ZNF789: variants seen among roughly 807,000 people sequenced by gnomAD.
The protein encoded by ZNF789 is zinc finger protein 789.
ZNF789 carries 11 observed loss-of-function variants against 15.6 expected under a neutral mutation model. That is an observed-to-expected ratio of 0.70 (90% CI 0.44 to 1.16). The LOEUF is 1.16. Among genes scored for constraint, ZNF789 ranks in the 50% most tolerant of loss-of-function variants. The pLI, the probability that ZNF789 is intolerant of heterozygous loss-of-function variation, is 0.00. For missense variants in ZNF789, 461 were observed against 512.6 expected, an observed-to-expected ratio of 0.90 and a Z score of 0.97; for synonymous variants, 159 against 176.0, an observed-to-expected ratio of 0.90 and a Z score of 0.76.
At chr7:99,476,007 G>A (rs1799316214) in intron 1 of ZNF789, among the ~76,000 whole-genome samples, 1 of 152,040 alleles carries the variant, frequency 6.6e-6, no homozygotes, top group South Asian at 2.1e-4. Flanking sequence ...CTTTCACCAT[G>A]TTGGCCAGGA....
At position 99,486,544 on chromosome 7, in the gene ZNF789, T is replaced by TA. The variant is rs747534239; in HGVS notation, c.335dup (p.Tyr112Ter). 1 of 1,614,176 alleles carries TA rather than the reference T, an allele frequency of 6.2e-7. No homozygotes were observed. Among genetic ancestry groups the TA allele is most frequent in the South Asian group, 1.1e-5 (1 of 91,052 alleles). The change falls in exon 5 of 5, where the codon TAT (tyrosine) becomes TAAT (stop). Residue 112 changes from tyrosine to a stop codon, truncating the protein, a stop_gained and frameshift_variant. Coordinates refer to ENST00000331410, the MANE Select transcript of ZNF789 (RefSeq NM_213603.3). LOFTEE classifies it low-confidence loss of function (END_TRUNC). ...GAAATTTTCTGAAGATTTAGAGTCATATAAGATATCAGTGGTAATGCAGGA... is the reference window on the plus strand; with the variant it reads ...GAAATTTTCTGAAGATTTAGAGTCATAATAAGATATCAGTGGTAATGCAGGA... Reference protein sequence around the residue: ...KQKFSEDLESYKISVVMQESA... With the variant: ...KQKFSEDLES
chr7:99,475,829 G>A (rs1177931430), intron 1 of ZNF789, among the ~76,000 whole-genome samples: 1 of 129,124 alleles, frequency 7.7e-6, no homozygotes, highest in African/African-American at 3.3e-5. Context: ...TTTTTGAGAT[G>A]GAGTCTTGCT....
chr7:99,486,641 C>G lies in ZNF789; in HGVS notation c.431C>G (p.Pro144Arg). Reference protein sequence around the residue: ...EFVDSCRLTFPTSGDEYSRGF... With the variant: ...EFVDSCRLTFRTSGDEYSRGF... ...GTGGACAGTTGCAGGCTTACTTTCCCTACTAGTGGTGATGAATACAGCAGG... is the reference window on the plus strand; with the variant it reads ...GTGGACAGTTGCAGGCTTACTTTCCGTACTAGTGGTGATGAATACAGCAGG... Residue 144 changes from proline to arginine, a missense_variant, in exon 5 of 5, where the codon CCT becomes CGT. Physicochemically the swap from Pro to Arg is moderately radical, Grantham distance 103 (BLOSUM62 -2). Coordinates refer to ENST00000331410, the MANE Select transcript of ZNF789 (RefSeq NM_213603.3). 6.2e-7 allele frequency: 1 copy of G among 1,614,166 alleles called. No homozygotes were observed. The highest frequency in any genetic ancestry group is 8.5e-7 in the Non-Finnish European group (1 of 1,180,032).
chr7:99,482,010 C>T lies in ZNF789; in HGVS notation c.152-2020C>T, dbSNP rs115020037. 4.3e-3 allele frequency: 2,713 copies of T among 627,166 alleles called. 47 individuals carry two copies. In the African/African-American group the frequency reaches 0.044, roughly 10 times the overall value. 38.9% of individuals were successfully genotyped at this position (627,166 alleles called of 1,614,324 possible). Reference sequence around the variant, plus strand: ...TGGGGACCAAAAGTGTTTTGGATTTCGGATTTTTCTTTTTTGGATTTTGGA... The same window carrying T: ...TGGGGACCAAAAGTGTTTTGGATTTTGGATTTTTCTTTTTTGGATTTTGGA... On this transcript the variant is annotated intron_variant, in intron 3 of 4. Transcript: ENST00000331410.
At chr7:99,485,920 G>A (rs371406754) in intron 4 of ZNF789, among the ~76,000 whole-genome samples, 1 of 152,172 alleles carries the variant, frequency 6.6e-6, no homozygotes, top group Non-Finnish European at 1.5e-5. Flanking sequence ...AACGATGATG[G>A]GCTCTGCTCT....
rs563747165 is a variant in ZNF789 at position 99,479,791 on chromosome 7, G to C, written c.151+4G>C. 55 of 1,612,204 alleles carry C rather than the reference G, an allele frequency of 3.4e-5. No homozygotes were observed. The highest frequency in any genetic ancestry group is 4.4e-5 in the Non-Finnish European group (52 of 1,179,082). ...TACAGGAACATGGTCTTGCTGGGTA[G>C]GACACGGCTTGAAGATTGGGCTTTG... is the stretch of plus-strand genomic sequence containing the variant. On this transcript the variant is annotated splice_donor_region_variant and intron_variant, in intron 3 of 4. Coordinates refer to ENST00000331410, the MANE Select transcript of ZNF789 (RefSeq NM_213603.3).
intron 1 of ZNF789, chr7:99,476,149 G>A (rs1799323285): frequency 2.8e-6 from 1 of 356,660 alleles, no homozygotes; most frequent in Non-Finnish European, 5.1e-6. Context: ...CTTTGTATAT[G>A]AGGTGCAGAG....
intron 3 of ZNF789, 111 bp from the exon 4 acceptor site, chr7:99,483,919 A>G: frequency 4.6e-6 from 4 of 871,198 alleles, no homozygotes; most frequent in South Asian, 3.9e-5. Context: ...GCCAATCTCT[A>G]TTCTCACCAC....
chr7:99,481,379 C>G (rs1178119518), intron 3 of ZNF789: 1 of 152,152 alleles, frequency 6.6e-6, no homozygotes, highest in Non-Finnish European at 1.5e-5. Context: ...TGAGATGGCA[C>G]TTTAATCTTT....
At chr7:99,476,111 A>C (rs1017413430) in intron 1 of ZNF789, 118 of 223,048 alleles carry the variant, frequency 5.3e-4, no homozygotes, top group African/African-American at 2.6e-3. Context: ...CCAGAGTGCT[A>C]TGTTTATATG....
At chr7:99,478,099 T>C (rs571206266) in intron 2 of ZNF789, among the ~76,000 whole-genome samples, 1 of 152,336 alleles carries the variant, frequency 6.6e-6, no homozygotes, top group South Asian at 2.1e-4. Context: ...AAAACCGTTT[T>C]TTTTCCATCA....
chr7:99,476,514 TA>T, intron 2 of ZNF789, 34 bp downstream of exon 2: 1 of 1,608,936 alleles, frequency 6.2e-7, no homozygotes, highest in Non-Finnish European at 8.5e-7. Context: ...TTCATCAGCA[TA>T]GTCACTGCCA....
chr7:99,478,267 T>C lies in ZNF789; in HGVS notation c.25-1394T>C, dbSNP rs553562773. 6.2e-6 allele frequency: 8 copies of C among 1,288,374 alleles called. No homozygotes were observed. In the South Asian group the frequency reaches 7.4e-5, roughly 12 times the overall value. The allele number at this position is 1,288,374 out of a possible 1,614,324, so 79.8% of individuals were successfully genotyped here. The stretch of plus-strand genomic sequence containing the variant: ...ATTTTATTCCCATGCTTGTTAACCT[T>C]GTGCAGGTGCGGGAATGCAGATGGC... On this transcript the variant is annotated intron_variant, in intron 2 of 4. Coordinates refer to ENST00000331410, the MANE Select transcript of ZNF789 (RefSeq NM_213603.3).
chr7:99,485,386 G>T (rs926507917), intron 4 of ZNF789: 5 of 707,152 alleles, frequency 7.1e-6, no homozygotes, highest in Non-Finnish European at 1.3e-5. Context: ...AACCAGAAAT[G>T]TCTCCAGACA....
At chr7:99,478,360 A>G in intron 2 of ZNF789, 3 of 1,289,640 alleles carry the variant, frequency 2.3e-6, no homozygotes, top group Non-Finnish European at 2.0e-6. Flanking sequence ...GATAATGGTG[A>G]GAAAGGGCCT....
intron 3 of ZNF789, among the ~76,000 whole-genome samples, chr7:99,482,964 C>T (rs573724363): frequency 6.6e-6 from 1 of 152,306 alleles, no homozygotes; most frequent in African/African-American, 2.4e-5. Context: ...GGCACGGTGG[C>T]TCACGCCTGT....
intron 2 of ZNF789, chr7:99,478,463 C>A: frequency 1.1e-6 from 1 of 895,050 alleles, no homozygotes; most frequent in Non-Finnish European, 1.6e-6. Context: ...AGGGGAGCTA[C>A]GTGAAGCTTC....
At position 99,485,235 on chromosome 7, in the gene ZNF789, TCTC is replaced by T. The variant is rs1205382638; in HGVS notation, c.265+1097_265+1099del. 6 of 1,535,604 alleles carry T rather than the reference TCTC, an allele frequency of 3.9e-6. No homozygotes were observed. In the African/African-American group the frequency reaches 5.5e-5, roughly 14 times the overall value. ...GCTCCTGTTTTTCACATCCAAGGTT[TCTC>T]CTCCATGGCACTACTGACGTTTTGG... is the stretch of plus-strand genomic sequence containing the variant. On this transcript the variant is annotated intron_variant, in intron 4 of 4. Transcript: ENST00000331410.
rs528727617 is a variant in ZNF789, at chr7:99,474,160, A to G, written c.-55+1104A>G. ...GCCTTCACAAACACATTCAGTAAATATAGTGCAGGGGTGTCCAATCTCTTG... is the reference window on the plus strand; with the variant it reads ...GCCTTCACAAACACATTCAGTAAATGTAGTGCAGGGGTGTCCAATCTCTTG... On this transcript the variant is annotated intron_variant, in intron 1 of 4. Transcript: ENST00000331410. Among the ~76,000 whole-genome samples, 240 of 152,376 alleles carry G rather than the reference A, an allele frequency of 1.6e-3. 2 individuals carry two copies. The highest frequency in any genetic ancestry group is 3.8e-3 in the Admixed American group (58 of 15,304).
Sources: allele counts gnomAD v4.1 joint callset (sites outside exome capture counted in the v4.1 genomes callset), GRCh38; gene constraint gnomAD v4.1.1; transcripts MANE v1.5; gene names NCBI Gene and HGNC (gene_info 2026-07-23, HGNC 2026-07-21).